NCOA7: variants seen among roughly 807,000 people sequenced by gnomAD.
The protein encoded by NCOA7 is 140 kDa estrogen receptor-associated protein.
A neutral mutation model predicts 104.3 loss-of-function variants in NCOA7; 45 were observed. That is an observed-to-expected ratio of 0.43 (90% CI 0.34 to 0.55). The LOEUF is 0.55. Ranked by LOEUF, NCOA7 falls within the 20% of genes least tolerant of loss-of-function variation. The pLI is 0.02. For synonymous variants in NCOA7, 398 were observed against 402.3 expected (o/e 0.99, Z 0.13); for missense variants, 1,041 against 1,119.7 (o/e 0.93, Z 1.00).
In NCOA7 at chr6:125,916,529, G is replaced by T. The variant is rs899277186; in HGVS notation, c.2244+1049G>T. 6.6e-5 allele frequency among the ~76,000 whole-genome samples: 10 copies of T among 152,292 alleles called. No homozygotes were observed. The East Asian group carries it at 1.7e-3, about 26-fold the overall frequency. On this transcript the variant is annotated intron_variant, in intron 11 of 15. Transcript: ENST00000392477. Reference sequence around the variant, plus strand: ...AACAAGCTTGCAGCACTGGGAAATTGGGAGATGAGACTAGGAAAAATAGGT... The same window carrying T: ...AACAAGCTTGCAGCACTGGGAAATTTGGAGATGAGACTAGGAAAAATAGGT...
At chr6:125,917,398 C>A (rs1230647491) in intron 11 of NCOA7, among the ~76,000 whole-genome samples, 1 of 152,158 alleles carries the variant, frequency 6.6e-6, no homozygotes, top group Non-Finnish European at 1.5e-5. Flanking sequence ...AACCCAGAAT[C>A]CATCTCTGCA....
intron 3 of NCOA7, among the ~76,000 whole-genome samples, chr6:125,871,891 G>A (rs1282798825): frequency 6.6e-6 from 1 of 151,990 alleles, no homozygotes; most frequent in Non-Finnish European, 1.5e-5. Flanking sequence ...CAGCTATTCG[G>A]GAAGCTGAGG....
intron 9 of NCOA7, 120 bp from the exon 10 acceptor site, chr6:125,890,522 A>G (rs1254716899): frequency 2.1e-6 from 2 of 944,406 alleles, no homozygotes; most frequent in African/African-American, 3.4e-5. Context: ...ACGATGTTGT[A>G]GGATGTTTCT....
chr6:125,928,134 A>G, intron 14 of NCOA7, 40 bp from the exon 15 acceptor site: 2 of 1,535,116 alleles, frequency 1.3e-6, no homozygotes, highest in Non-Finnish European at 1.8e-6. Flanking sequence ...AATTCTCCAG[A>G]TTAAAATGTC....
At chr6:125,926,701 G>A (rs561008091) in intron 13 of NCOA7, among the ~76,000 whole-genome samples, 56 of 152,296 alleles carry the variant, frequency 3.7e-4, no homozygotes, top group African/African-American at 1.3e-3. Context: ...GGAACTGAGT[G>A]TAAGTGGTGA....
chr6:125,822,796 A>G (rs1346760949), intron 2 of NCOA7, among the ~76,000 whole-genome samples: 2 of 152,004 alleles, frequency 1.3e-5, no homozygotes, highest in South Asian at 2.1e-4. Flanking sequence ...TTAGCTGGGC[A>G]TGGTGGCACA....
intron 10 of NCOA7, among the ~76,000 whole-genome samples, chr6:125,904,490 T>C (rs531350532): frequency 6.6e-6 from 1 of 152,292 alleles, no homozygotes; most frequent in Admixed American, 6.5e-5. Context: ...ATCCCCCTGG[T>C]CTTCCAATGC....
chr6:125,827,455 A>G (rs1447339100), intron 2 of NCOA7, among the ~76,000 whole-genome samples: 1 of 152,136 alleles, frequency 6.6e-6, no homozygotes, highest in African/African-American at 2.4e-5. Context: ...CATCAAATCC[A>G]TATGTCATTA....
intron 1 of NCOA7, among the ~76,000 whole-genome samples, chr6:125,795,807 A>G (rs9375411): frequency 0.39 from 59,887 of 151,970 alleles, 13,709 homozygotes; most frequent in East Asian, 0.67. Context: ...TTTTACCCAC[A>G]GTCATTCTTA....
chr6:125,919,316 G>A (rs1040805168), intron 11 of NCOA7: 7 of 1,612,644 alleles, frequency 4.3e-6, no homozygotes. Context: ...GAGAAAACTT[G>A]TTCCTCATTA....
intron 2 of NCOA7, among the ~76,000 whole-genome samples, chr6:125,823,734 G>A (rs1308986030): frequency 1.3e-5 from 2 of 152,102 alleles, no homozygotes; most frequent in African/African-American, 4.8e-5. Context: ...AACAGGCTAA[G>A]TTACTTAATT....
intron 1 of NCOA7, among the ~76,000 whole-genome samples, chr6:125,803,533 C>G (rs145104261): frequency 1.3e-5 from 2 of 152,160 alleles, no homozygotes; most frequent in Admixed American, 1.3e-4. Context: ...GCCACATACT[C>G]TCCATGTAAA....
chr6:125,853,635 C>T (rs1781309628), intron 2 of NCOA7, among the ~76,000 whole-genome samples: 1 of 152,110 alleles, frequency 6.6e-6, no homozygotes, highest in Non-Finnish European at 1.5e-5. Context: ...GGACCTTTAT[C>T]TCCAAAGCTG....
At chr6:125,861,488 A>G (rs1277838244) in intron 3 of NCOA7, among the ~76,000 whole-genome samples, 6 of 152,328 alleles carry the variant, frequency 3.9e-5, no homozygotes, top group African/African-American at 1.4e-4. Context: ...ATCTTAAAAC[A>G]TCAAAGAATA....
At position 125,921,004 on chromosome 6, in the gene NCOA7, A is replaced by G; in HGVS notation, c.2306A>G (p.Asp769Gly). The G allele has an allele frequency of 1.2e-6, 2 of 1,613,968 alleles. No individual in the cohort carries two copies. Among genetic ancestry groups the G allele is most frequent in the Non-Finnish European group, 1.7e-6 (2 of 1,179,898 alleles). The change falls in exon 12 of 16, where the codon GAC becomes GGC. Residue 769 changes from aspartate (D) to glycine (G), a missense_variant. Coordinates refer to ENST00000392477, the MANE Select transcript of NCOA7 (RefSeq NM_181782.5). ...ACATGCAGCTACTATGAAGACGAGG[A>G]CGAAGAGGTGCTGCCTGTCCTACGG... ...KSTCSYYEDE[D>G]EEVLPVLRPH... is the part of the protein sequence containing the mutation.
At chr6:125,896,548 T>C (rs1785037107) in intron 10 of NCOA7, among the ~76,000 whole-genome samples, 1 of 152,154 alleles carries the variant, frequency 6.6e-6, no homozygotes, top group African/African-American at 2.4e-5. Context: ...CCCAGCACTT[T>C]TGGGAGGCCA....
At chr6:125,926,710 G>A (rs1201827826) in intron 13 of NCOA7, among the ~76,000 whole-genome samples, 1 of 152,148 alleles carries the variant, frequency 6.6e-6, no homozygotes, top group East Asian at 1.9e-4. Flanking sequence ...TGTAAGTGGT[G>A]AAGAAGACAG....
chr6:125,872,998 G>A (rs371388163), intron 3 of NCOA7, among the ~76,000 whole-genome samples: 33 of 152,172 alleles, frequency 2.2e-4, no homozygotes, highest in East Asian at 7.7e-4. Flanking sequence ...TTTTTTCCTC[G>A]TAGCTTTAAT....
chr6:125,911,697 G>A (rs1385974051), intron 10 of NCOA7, among the ~76,000 whole-genome samples: 1 of 151,878 alleles, frequency 6.6e-6, no homozygotes, highest in African/African-American at 2.4e-5. Flanking sequence ...GGGTAGAGAG[G>A]AGCTGAGTCA....
Sources: allele counts gnomAD v4.1 joint callset (sites outside exome capture counted in the v4.1 genomes callset), GRCh38; gene constraint gnomAD v4.1.1; transcripts MANE v1.5; gene names NCBI Gene and HGNC (gene_info 2026-07-23, HGNC 2026-07-21).